The following SDK1 variants were observed in gnomAD, a reference collection of about 807,000 sequenced individuals.
The protein encoded by SDK1 is protein sidekick-1.
Under a neutral mutation model 245.5 loss-of-function variants are expected in SDK1, and 157 were observed. The ratio of observed to expected loss-of-function variants is 0.64; its 90% confidence interval spans 0.56 to 0.73. The LOEUF is 0.73. Among genes scored for constraint, SDK1 ranks in the 30% least tolerant of loss-of-function variants. The pLI, the probability that SDK1 is intolerant of heterozygous loss-of-function variation, is 0.00. For missense variants in SDK1, 3,583 were observed against 3,002.3 expected (o/e 1.19, Z -4.52); for synonymous variants, 1,647 against 1,278.5 (o/e 1.29, Z -6.15).
chr7:3,796,323 A>T (rs1256976134), intron 4 of SDK1, among the ~76,000 whole-genome samples: 1 of 152,206 alleles, frequency 6.6e-6, no homozygotes, highest in Non-Finnish European at 1.5e-5. Context: ...ATAGAAATGG[A>T]GAGGTTTCTT....
At chr7:3,470,255 C>T (rs1781139094) in intron 1 of SDK1, among the ~76,000 whole-genome samples, 1 of 152,104 alleles carries the variant, frequency 6.6e-6, no homozygotes, top group African/African-American at 2.4e-5. Context: ...TGCTTATTTT[C>T]TACCAAACTC....
intron 44 of SDK1, among the ~76,000 whole-genome samples, chr7:4,251,849 G>T (rs1281717763): frequency 6.6e-6 from 1 of 152,164 alleles, no homozygotes; most frequent in East Asian, 1.9e-4. Flanking sequence ...TGGTTACTGT[G>T]AACAATATTC....
chr7:3,657,602 T>G (rs911499805), intron 4 of SDK1, among the ~76,000 whole-genome samples: 3 of 62,150 alleles, frequency 4.8e-5, no homozygotes, highest in Non-Finnish European at 8.3e-5. Context: ...GGGACTCGGG[T>G]TTTTTTCCAC....
At position 4,026,568 on chromosome 7, in the gene SDK1, C is replaced by A. The variant is rs578042130; in HGVS notation, c.2602+9216C>A. ...CCAAATGCTTCTCTTCAATGCCTGG[C>A]AAGTAAAGATTTGGAAAAAAAAATA... is the stretch of plus-strand genomic sequence containing the variant. On this transcript the variant is annotated intron_variant, in intron 17 of 44. Transcript: ENST00000404826. The surrounding 1 kb of genome is among the most constrained non-coding windows in gnomAD (Gnocchi z 4.1). 6.6e-6 allele frequency among the ~76,000 whole-genome samples: 1 copy of A among 151,710 alleles called. No homozygotes were observed. The highest frequency in any genetic ancestry group is 1.5e-5 in the Non-Finnish European group (1 of 67,958).
At chr7:3,414,061 G>C (rs1459009142) in intron 1 of SDK1, among the ~76,000 whole-genome samples, 1 of 152,120 alleles carries the variant, frequency 6.6e-6, no homozygotes, top group East Asian at 1.9e-4. Flanking sequence ...TTTTGGGCTG[G>C]GCTGTAGTGG....
chr7:3,618,782 G>C (rs1370105185), intron 1 of SDK1, among the ~76,000 whole-genome samples: 1 of 152,204 alleles, frequency 6.6e-6, no homozygotes. Flanking sequence ...TGTATGTACA[G>C]GGATTGTCCG....
intron 22 of SDK1, among the ~76,000 whole-genome samples, chr7:4,102,495 C>T (rs767056585): frequency 9.2e-5 from 14 of 152,214 alleles, no homozygotes; most frequent in African/African-American, 2.2e-4. Flanking sequence ...GGGGCCACCT[C>T]CTCACGTCCC....
intron 4 of SDK1, among the ~76,000 whole-genome samples, chr7:3,800,774 A>G (rs759052084): frequency 2.8e-4 from 42 of 152,010 alleles, no homozygotes; most frequent in African/African-American, 9.4e-4. Flanking sequence ...CACACACCCA[A>G]TCCCTGAATC....
At chr7:3,728,353 T>C (rs901132135) in intron 4 of SDK1, among the ~76,000 whole-genome samples, 4 of 152,258 alleles carry the variant, frequency 2.6e-5, no homozygotes, top group Non-Finnish European at 5.9e-5. Flanking sequence ...CTTAGTGGAA[T>C]GTTTCACCAC....
At chr7:3,764,873 G>T (rs980302872) in intron 4 of SDK1, among the ~76,000 whole-genome samples, 1 of 151,726 alleles carries the variant, frequency 6.6e-6, no homozygotes, top group African/African-American at 2.4e-5. Flanking sequence ...AACATTAAAG[G>T]CATTTTTAAA....
intron 4 of SDK1, among the ~76,000 whole-genome samples, chr7:3,798,428 A>T (rs938715957): frequency 6.6e-5 from 10 of 151,986 alleles, no homozygotes; most frequent in African/African-American, 2.4e-4. Flanking sequence ...CGTGTTAGCC[A>T]TGATGGTCTT....
At chr7:3,974,673 C>T in intron 13 of SDK1, 128 bp downstream of exon 13, 1 of 751,124 alleles carries the variant, frequency 1.3e-6, no homozygotes, top group Middle Eastern at 2.5e-4. Flanking sequence ...GAGGCCAGCG[C>T]ATCATGCTGC....
At chr7:3,487,318 TCTC>T (rs1781730542) in intron 1 of SDK1, among the ~76,000 whole-genome samples, 1 of 152,206 alleles carries the variant, frequency 6.6e-6, no homozygotes. Flanking sequence ...TTTCTGGTAT[TCTC>T]CCTTTTGAAT....
intron 40 of SDK1, among the ~76,000 whole-genome samples, chr7:4,224,190 A>G (rs1785288974): frequency 6.6e-6 from 1 of 152,188 alleles, no homozygotes; most frequent in African/African-American, 2.4e-5. Context: ...ACATTGCCAT[A>G]AAGAAATGTC....
Position 4,233,543 on chromosome 7 carries a change from C to A in SDK1, c.5992+124C>A, listed in dbSNP as rs1194375765. 3 of 918,016 alleles carry A rather than the reference C, an allele frequency of 3.3e-6. No homozygotes were observed. In the Admixed American group the frequency reaches 7.8e-5, roughly 24 times the overall value. 56.9% of individuals were successfully genotyped at this position (918,016 alleles called of 1,614,324 possible). On this transcript the variant is annotated intron_variant, in intron 41 of 44. Coordinates refer to ENST00000404826, the MANE Select transcript of SDK1 (RefSeq NM_152744.4). ...GAGGGAGAAATGGGGTCGAGGGGGA[C>A]CCAGGGAGGTCTGTCTTCTCCTGAA...
intron 28 of SDK1, among the ~76,000 whole-genome samples, chr7:4,136,784 T>C (rs1443481917): frequency 6.6e-6 from 1 of 152,256 alleles, no homozygotes; most frequent in African/African-American, 2.4e-5. Flanking sequence ...CATTTACCTT[T>C]AAGCTTATTA....
At chr7:3,751,379 T>C (rs889355969) in intron 4 of SDK1, among the ~76,000 whole-genome samples, 12 of 137,638 alleles carry the variant, frequency 8.7e-5, no homozygotes, top group African/African-American at 3.3e-4. Context: ...CGTCGCCCTC[T>C]CCAAGATGCT....
chr7:3,480,322 G>A (rs555469839), intron 1 of SDK1, among the ~76,000 whole-genome samples: 2 of 152,186 alleles, frequency 1.3e-5, no homozygotes, highest in African/African-American at 4.8e-5. Context: ...ATGGAGCCGC[G>A]AGGCCATGAA....
intron 35 of SDK1, among the ~76,000 whole-genome samples, chr7:4,183,543 G>C (rs184619964): frequency 4.0e-5 from 6 of 151,038 alleles, no homozygotes; most frequent in Admixed American, 4.0e-4. Context: ...GCGGAGGCAG[G>C]AGAATCGCTT....
Sources: gnomAD v4.1 joint callset for allele counts (sites outside exome capture counted in the v4.1 genomes callset) on GRCh38, gnomAD v4.1.1 for gene constraint, Gnocchi (gnomAD v3.1) non-coding constraint, MANE v1.5 for transcripts, NCBI Gene and HGNC (gene_info 2026-07-23, HGNC 2026-07-21) for gene names.